Variants in TOX observed in about 807,000 individuals in gnomAD.
The protein encoded by TOX is thymocyte selection associated high mobility group box.
TOX carries 11 observed loss-of-function variants against 53.7 expected under a neutral mutation model. That is an observed-to-expected ratio of 0.20 (90% CI 0.13 to 0.34). The LOEUF (loss-of-function observed/expected upper bound fraction) is 0.34. TOX is among the 10% of genes least tolerant of loss of function. The probability of loss-of-function intolerance (pLI) is 1.00; values close to 1 mark genes in which losing one functional copy is unlikely to be tolerated. For synonymous variants in TOX, 225 were observed against 245.3 expected (o/e 0.92, Z 0.77); for missense variants, 570 against 664.6 (o/e 0.86, Z 1.56).
chr8:58,980,826 C>A (rs1421759634), intron 1 of TOX, among the ~76,000 whole-genome samples: 3 of 151,848 alleles, frequency 2.0e-5, no homozygotes, highest in African/African-American at 7.3e-5. Flanking sequence ...ATAATCCTTC[C>A]CACTCACCCA....
intron 3 of TOX, among the ~76,000 whole-genome samples, chr8:58,938,432 A>G (rs1009141068): frequency 6.6e-5 from 10 of 152,354 alleles, no homozygotes; most frequent in Non-Finnish European, 1.0e-4. Context: ...AAAAGTGCTA[A>G]TTAAAAGCCA....
chr8:59,102,889 C>G (rs1489163293), intron 1 of TOX, among the ~76,000 whole-genome samples: 1 of 152,162 alleles, frequency 6.6e-6, no homozygotes, highest in East Asian at 1.9e-4. Flanking sequence ...CCTGCCCCCA[C>G]TTCACCCCCA....
intron 2 of TOX, among the ~76,000 whole-genome samples, chr8:58,947,352 A>C (rs1170430797): frequency 6.6e-6 from 1 of 152,146 alleles, no homozygotes; most frequent in Non-Finnish European, 1.5e-5. Flanking sequence ...TGAATAACTG[A>C]TCAAGATCAG....
chr8:58,839,398 CA>C (rs199909389), intron 4 of TOX, among the ~76,000 whole-genome samples: 13 of 152,268 alleles, frequency 8.5e-5, no homozygotes, highest in African/African-American at 3.1e-4. Context: ...GGTTTTTACT[CA>C]ATTTAAGAGT....
chr8:59,103,423 A>G (rs1804842480), intron 1 of TOX, among the ~76,000 whole-genome samples: 1 of 152,264 alleles, frequency 6.6e-6, no homozygotes, highest in South Asian at 2.1e-4. Flanking sequence ...GTAGAACTAT[A>G]GAACAGCAAA....
At position 59,091,884 on chromosome 8, in the gene TOX, A is replaced by G. The variant is rs112900572; in HGVS notation, c.102+27002T>C. Among the ~76,000 whole-genome samples the G allele has an allele frequency of 5.3e-5, 8 of 152,220 alleles. 1 individual carries two copies. The highest frequency in any genetic ancestry group is 1.9e-4 in the African/African-American group (8 of 41,528). On this transcript the variant is annotated intron_variant, in intron 1 of 8. Transcript: ENST00000361421. The stretch of plus-strand genomic sequence containing the variant: ...GATCAATGGTTTTCAAACTTCTTCT[A>G]AGAAGCTTTAGGAATCCTCTTTTTC...
At chr8:58,897,635 C>T (rs753399310) in intron 3 of TOX, among the ~76,000 whole-genome samples, 7 of 151,740 alleles carry the variant, frequency 4.6e-5, no homozygotes, top group Non-Finnish European at 8.8e-5. Flanking sequence ...CATTCCAAGA[C>T]TAAAATGTTA....
intron 1 of TOX, among the ~76,000 whole-genome samples, chr8:59,110,395 TA>T (rs78162967): frequency 0.21 from 32,441 of 152,058 alleles, 3,801 homozygotes; most frequent in East Asian, 0.33. Flanking sequence ...TTTTCAATGG[TA>T]TGAAAACACT....
intron 1 of TOX, among the ~76,000 whole-genome samples, chr8:59,075,428 G>A (rs190574357): frequency 3.3e-5 from 5 of 152,250 alleles, no homozygotes; most frequent in Admixed American, 6.5e-5. Context: ...ACAGAGGGAC[G>A]CCAAGAGATC....
intron 1 of TOX, among the ~76,000 whole-genome samples, chr8:59,021,481 A>AAAAAAAAAAT (rs59174995): frequency 3.1e-5 from 2 of 64,740 alleles, no homozygotes; most frequent in Non-Finnish European, 6.2e-5. Context: ...AAAAAAAAAA[A>AAAAAAAAAAT]ATATATATAT....
At chr8:59,086,134 C>T (rs1437658923) in intron 1 of TOX, among the ~76,000 whole-genome samples, 5 of 151,596 alleles carry the variant, frequency 3.3e-5, no homozygotes, top group African/African-American at 1.2e-4. Flanking sequence ...TACGGGTGTG[C>T]GCCACCATGT....
At chr8:59,108,697 A>C (rs1022288952) in intron 1 of TOX, among the ~76,000 whole-genome samples, 5 of 151,134 alleles carry the variant, frequency 3.3e-5, no homozygotes, top group African/African-American at 1.2e-4. Flanking sequence ...TACACACACA[A>C]GGTTATCAAA....
chr8:59,008,289 A>G (rs1813829589), intron 1 of TOX, among the ~76,000 whole-genome samples: 1 of 152,260 alleles, frequency 6.6e-6, no homozygotes, highest in Non-Finnish European at 1.5e-5. Context: ...AGAATAAAAT[A>G]TCTTGAAGAA....
At chr8:58,846,513 T>G (rs1016178720) in intron 4 of TOX, among the ~76,000 whole-genome samples, 1 of 152,136 alleles carries the variant, frequency 6.6e-6, no homozygotes, top group Non-Finnish European at 1.5e-5. Flanking sequence ...CTTCTTGTCT[T>G]CAGAGCAGTG....
intron 1 of TOX, among the ~76,000 whole-genome samples, chr8:59,045,328 C>G (rs1803663685): frequency 6.6e-6 from 1 of 152,084 alleles, no homozygotes; most frequent in African/African-American, 2.4e-5. Flanking sequence ...CACATCTGTT[C>G]TTTTCTATGT....
At chr8:58,950,319 CAACA>C (rs1812601015) in intron 2 of TOX, among the ~76,000 whole-genome samples, 1 of 152,084 alleles carries the variant, frequency 6.6e-6, no homozygotes. Context: ...GAGTAGAAAT[CAACA>C]AATGCTGGGT....
intron 4 of TOX, among the ~76,000 whole-genome samples, chr8:58,848,289 T>A (rs1810751088): frequency 6.6e-6 from 1 of 151,178 alleles, no homozygotes; most frequent in African/African-American, 2.4e-5. Flanking sequence ...ATGAGAAAAA[T>A]AAGAGCAATC....
intron 4 of TOX, among the ~76,000 whole-genome samples, chr8:58,840,655 C>A (rs1246384226): frequency 6.6e-6 from 1 of 152,176 alleles, no homozygotes; most frequent in Admixed American, 6.5e-5. Flanking sequence ...ACAAAACAAA[C>A]AAGCAAAATT....
At chr8:58,839,581 A>G (rs901377323) in intron 4 of TOX, among the ~76,000 whole-genome samples, 1 of 152,236 alleles carries the variant, frequency 6.6e-6, no homozygotes, top group Non-Finnish European at 1.5e-5. Flanking sequence ...AAAATAAAGC[A>G]TTTTGGATAG....
Sources: allele counts gnomAD v4.1 joint callset (sites outside exome capture counted in the v4.1 genomes callset), GRCh38; gene constraint gnomAD v4.1.1; transcripts MANE v1.5; gene names NCBI Gene and HGNC (gene_info 2026-07-23, HGNC 2026-07-21).